Variants in SPIDR observed in about 807,000 individuals in gnomAD.
SPIDR encodes DNA repair-scaffolding protein.
A neutral mutation model predicts 104.6 loss-of-function variants in SPIDR; 93 were observed. That is an observed-to-expected ratio of 0.89 (90% CI 0.75 to 1.06). The LOEUF (loss-of-function observed/expected upper bound fraction) is 1.06. Ranked by LOEUF, SPIDR falls within the 50% of genes least tolerant of loss-of-function variation. The pLI, the probability that SPIDR is intolerant of heterozygous loss-of-function variation, is 0.00. For missense variants in SPIDR, 1,154 were observed against 1,111.2 expected (o/e 1.04, Z -0.55); for synonymous variants, 431 against 416.9 (o/e 1.03, Z -0.41).
intron 11 of SPIDR, among the ~76,000 whole-genome samples, chr8:47,687,198 A>G (rs2077936804): frequency 6.6e-6 from 1 of 152,220 alleles, no homozygotes; most frequent in African/African-American, 2.4e-5. Flanking sequence ...TTTCAGTATG[A>G]TCCATAAATG....
chr8:47,607,359 A>G (rs972807569), intron 10 of SPIDR, among the ~76,000 whole-genome samples: 1 of 152,102 alleles, frequency 6.6e-6, no homozygotes, highest in Non-Finnish European at 1.5e-5. Context: ...TCAGCTGCCC[A>G]TCTATTCTTA....
chr8:47,636,048 G>T (rs1052634764), intron 10 of SPIDR, among the ~76,000 whole-genome samples: 1 of 152,222 alleles, frequency 6.6e-6, no homozygotes, highest in African/African-American at 2.4e-5. Flanking sequence ...CTACTTGAGG[G>T]CTTGTGGCAA....
At chr8:47,643,201 A>G (rs1325204060) in intron 10 of SPIDR, among the ~76,000 whole-genome samples, 1 of 152,164 alleles carries the variant, frequency 6.6e-6, no homozygotes, top group Non-Finnish European at 1.5e-5. Flanking sequence ...TTTTAACTGA[A>G]TGTATTGTAA....
intron 8 of SPIDR, among the ~76,000 whole-genome samples, chr8:47,494,179 G>A (rs923411962): frequency 1.3e-5 from 2 of 151,386 alleles, no homozygotes; most frequent in Non-Finnish European, 2.9e-5. Context: ...CATGGAAATG[G>A]GGGTGTCTAT....
intron 10 of SPIDR, chr8:47,667,838 C>T (rs2075192768): frequency 6.6e-6 from 1 of 151,724 alleles, no homozygotes; most frequent in South Asian, 2.1e-4. Context: ...GGCCCCTGGG[C>T]AAGGATGACA....
intron 10 of SPIDR, among the ~76,000 whole-genome samples, chr8:47,666,826 C>T (rs2074997774): frequency 6.6e-6 from 1 of 151,984 alleles, no homozygotes; most frequent in Non-Finnish European, 1.5e-5. Flanking sequence ...ATTTAAAAAT[C>T]CCTATAAAAT....
intron 8 of SPIDR, among the ~76,000 whole-genome samples, chr8:47,468,611 C>T (rs1303761567): frequency 7.2e-5 from 11 of 152,160 alleles, no homozygotes; most frequent in African/African-American, 2.4e-4. Flanking sequence ...GAAAAGGACT[C>T]CATTCAATAA....
intron 8 of SPIDR, among the ~76,000 whole-genome samples, chr8:47,577,323 G>A (rs550071459): frequency 6.6e-6 from 1 of 152,366 alleles, no homozygotes; most frequent in Admixed American, 6.5e-5. Context: ...GTTCCTGCCA[G>A]GACTGGCAAA....
intron 7 of SPIDR, among the ~76,000 whole-genome samples, chr8:47,426,263 A>G (rs1396660579): frequency 6.6e-6 from 1 of 152,172 alleles, no homozygotes; most frequent in Non-Finnish European, 1.5e-5. Flanking sequence ...CAAAAAAAAC[A>G]AAGCAAAACA....
In SPIDR at chr8:47,729,754, C is replaced by G. The variant is rs2084900619; in HGVS notation, c.2604+289C>G. On this transcript the variant is annotated intron_variant, in intron 19 of 19. Coordinates refer to ENST00000297423, the MANE Select transcript of SPIDR (RefSeq NM_001080394.4). ...TTTTGTTTTTAGACAGAGTCTCATT[C>G]TCTGTCCAGGCTAGAGCACAGTGGC... is the stretch of plus-strand genomic sequence containing the variant. 3 of 426,456 alleles carry G rather than the reference C, an allele frequency of 7.0e-6. No individual in the cohort carries two copies. The Admixed American group carries it at 1.2e-4, about 17-fold the overall frequency. The allele number at this position is 426,456 out of a possible 1,614,324, so 26.4% of individuals were successfully genotyped here.
chr8:47,617,925 T>TGC lies in SPIDR; in HGVS notation c.1544+18732_1544+18733dup, dbSNP rs989968264. Among the ~76,000 whole-genome samples, 109 of 152,266 alleles carry TGC rather than the reference T, an allele frequency of 7.2e-4. 1 individual carries two copies. Among genetic ancestry groups the TGC allele is most frequent in the African/African-American group, 2.4e-3 (98 of 41,568 alleles). On this transcript the variant is annotated intron_variant, in intron 10 of 19. Transcript: ENST00000297423. ...TTCAGCTGCTGCTCAGTTCTTGGGG[T>TGC]GCGCCAGAGACAAGCCCCAGTCTTC...
At chr8:47,659,251 C>T (rs186810661) in intron 10 of SPIDR, among the ~76,000 whole-genome samples, 2 of 152,208 alleles carry the variant, frequency 1.3e-5, no homozygotes, top group Non-Finnish European at 2.9e-5. Context: ...GGAGGGTGGC[C>T]TTGTCTCAGA....
intron 8 of SPIDR, among the ~76,000 whole-genome samples, chr8:47,460,663 A>G (rs1248017658): frequency 6.6e-6 from 1 of 152,090 alleles, no homozygotes; most frequent in African/African-American, 2.4e-5. Flanking sequence ...ATTAGTATTG[A>G]GATGTGAGGT....
intron 8 of SPIDR, chr8:47,511,233 G>A (rs370749624): frequency 4.0e-5 from 63 of 1,589,000 alleles, no homozygotes; most frequent in Middle Eastern, 3.7e-4. Context: ...GCCTCCCACC[G>A]TCTGCAAGCC....
chr8:47,597,615 C>CT (rs2061772029), intron 9 of SPIDR, among the ~76,000 whole-genome samples: 1 of 152,126 alleles, frequency 6.6e-6, no homozygotes. Flanking sequence ...CTTGTAATGT[C>CT]TAAGAATTTT....
At chr8:47,486,449 C>G (rs2077630708) in intron 8 of SPIDR, among the ~76,000 whole-genome samples, 1 of 152,204 alleles carries the variant, frequency 6.6e-6, no homozygotes, top group Admixed American at 6.5e-5. Flanking sequence ...TCCAGGAGAA[C>G]TTCCCCAACC....
chr8:47,488,838 G>A (rs1426859734), intron 8 of SPIDR, among the ~76,000 whole-genome samples: 1 of 152,142 alleles, frequency 6.6e-6, no homozygotes, highest in Non-Finnish European at 1.5e-5. Context: ...ATTAGGTATT[G>A]ATGGGACGTA....
At chr8:47,481,836 G>C (rs782536007) in intron 8 of SPIDR, among the ~76,000 whole-genome samples, 5 of 152,240 alleles carry the variant, frequency 3.3e-5, no homozygotes, top group East Asian at 1.9e-4. Flanking sequence ...TCTGGAGATA[G>C]TGGAGTTCTT....
intron 8 of SPIDR, among the ~76,000 whole-genome samples, chr8:47,552,500 G>C (rs905475313): frequency 1.3e-5 from 2 of 152,136 alleles, no homozygotes; most frequent in Non-Finnish European, 2.9e-5. Flanking sequence ...TCTTCTTGTT[G>C]AATTGATCCC....
Sources: gnomAD v4.1 joint callset for allele counts (sites outside exome capture counted in the v4.1 genomes callset) on GRCh38, gnomAD v4.1.1 for gene constraint, MANE v1.5 for transcripts, NCBI Gene and HGNC (gene_info 2026-07-23, HGNC 2026-07-21) for gene names.